The following PCDHA1 variants were observed in gnomAD, a reference collection of about 807,000 sequenced individuals.
PCDHA1 encodes protocadherin alpha 1, also known as protocadherin alpha-1.
Under a neutral mutation model 61.3 loss-of-function variants are expected in PCDHA1, and 42 were observed. The observed-to-expected ratio is 0.69, with a 90% CI of 0.54 to 0.89. The LOEUF (loss-of-function observed/expected upper bound fraction) is 0.89, where lower values mean the gene tolerates loss of function less well. PCDHA1 is among the 40% of genes least tolerant of loss of function. The pLI is 0.00. For missense variants in PCDHA1, 1,256 were observed against 1,235.3 expected, an observed-to-expected ratio of 1.02 and a Z score of -0.25; for synonymous variants, 610 against 553.8, an observed-to-expected ratio of 1.10 and a Z score of -1.43.
intron 1 of PCDHA1, chr5:140,853,448 G>C: frequency 1.0e-6 from 1 of 980,734 alleles, no homozygotes; most frequent in Non-Finnish European, 1.2e-6. Context: ...TTGCCTAATA[G>C]GTCTCCTTAT....
At chr5:140,875,992 C>T in intron 1 of PCDHA1, 2 of 1,613,870 alleles carry the variant, frequency 1.2e-6, no homozygotes, top group African/African-American at 1.3e-5. Flanking sequence ...TGCGTTAAGT[C>T]TAAATGAGAA....
At chr5:140,992,486 A>G (rs2097515048) in intron 3 of PCDHA1, among the ~76,000 whole-genome samples, 1 of 152,182 alleles carries the variant, frequency 6.6e-6, no homozygotes, top group Non-Finnish European at 1.5e-5. Flanking sequence ...CCAGAGGCCA[A>G]TCTGTAAGGA....
chr5:140,828,061 T>G (rs2150150481), intron 1 of PCDHA1: 2 of 1,556,836 alleles, frequency 1.3e-6, no homozygotes, highest in East Asian at 4.5e-5. Context: ...CGGAAGATCT[T>G]CTAATGGAAA....
At chr5:140,966,794 G>T in intron 1 of PCDHA1, 1 of 1,533,558 alleles carries the variant, frequency 6.5e-7, no homozygotes. Context: ...CAGACCTGCG[G>T]CGACAGAGCA....
At chr5:140,796,393 G>C (rs782361395) in intron 1 of PCDHA1, 2 of 1,614,066 alleles carry the variant, frequency 1.2e-6, no homozygotes, top group Non-Finnish European at 1.7e-6. Context: ...CATCTTCACG[G>C]TGTCAGCGTG....
intron 1 of PCDHA1, chr5:140,853,562 C>G (rs902693862): frequency 1.0e-6 from 1 of 981,152 alleles, no homozygotes; most frequent in South Asian, 4.8e-5. Flanking sequence ...ATAGGAAAAA[C>G]TAAGTTGTCA....
At chr5:141,003,331 TTTTG>T (rs1554259005) in intron 3 of PCDHA1, among the ~76,000 whole-genome samples, 2 of 152,142 alleles carry the variant, frequency 1.3e-5, no homozygotes, top group Non-Finnish European at 2.9e-5. Flanking sequence ...GGGCAGGGTT[TTTTG>T]TTTGTTTGCT....
At chr5:140,994,563 G>A (rs1554254253) in intron 3 of PCDHA1, among the ~76,000 whole-genome samples, 1 of 151,976 alleles carries the variant, frequency 6.6e-6, no homozygotes, top group Non-Finnish European at 1.5e-5. Flanking sequence ...AAATTAGCCG[G>A]GTGTGGTGGC....
chr5:140,794,693 A>AT (rs1408775542), intron 1 of PCDHA1, among the ~76,000 whole-genome samples: 1 of 152,204 alleles, frequency 6.6e-6, no homozygotes, highest in Admixed American at 6.5e-5. Flanking sequence ...TAAAATAGTT[A>AT]TTTTTTTCCA....
intron 1 of PCDHA1, chr5:140,795,804 A>G (rs781883265): frequency 6.2e-7 from 1 of 1,613,596 alleles, no homozygotes; most frequent in South Asian, 1.1e-5. Flanking sequence ...TTGTGTATTC[A>G]CTCGGTAGTG....
At chr5:140,974,652 C>T (rs1238427822) in intron 1 of PCDHA1, among the ~76,000 whole-genome samples, 2 of 152,078 alleles carry the variant, frequency 1.3e-5, no homozygotes, top group East Asian at 1.9e-4. Context: ...GCTGAGATTA[C>T]AGGCATGCGC....
intron 1 of PCDHA1, chr5:140,795,975 A>G: frequency 6.2e-7 from 1 of 1,614,162 alleles, no homozygotes; most frequent in Non-Finnish European, 8.5e-7. Flanking sequence ...GTAAAATTTC[A>G]TTAAAACTTG....
At chr5:140,882,884 C>T (rs782007101) in intron 1 of PCDHA1, 3 of 1,614,184 alleles carry the variant, frequency 1.9e-6, no homozygotes, top group Middle Eastern at 3.3e-4. Context: ...AGAGGAAATT[C>T]AGGAACATAG....
chr5:140,826,952 G>A (rs1202184500), intron 1 of PCDHA1, among the ~76,000 whole-genome samples: 1 of 152,130 alleles, frequency 6.6e-6, no homozygotes, highest in Non-Finnish European at 1.5e-5. Context: ...AATAAGGCAA[G>A]CCAGGGAAAA....
At chr5:140,877,108 G>C in intron 1 of PCDHA1, 1 of 1,613,542 alleles carries the variant, frequency 6.2e-7, no homozygotes. Context: ...GCCGCCTCTG[G>C]GCAGCAACGT....
At position 140,786,797 on chromosome 5, in the gene PCDHA1, G is replaced by T. The variant is rs1310795982; in HGVS notation, c.507G>T (p.Thr169=). The T allele has an allele frequency of 1.2e-6, 2 of 1,614,198 alleles. No individual in the cohort carries two copies. The highest frequency in any genetic ancestry group is 1.7e-6 in the Non-Finnish European group (2 of 1,180,034). ...DADIGANALL[T]YTLSPSDYFS... is the part of the protein sequence containing the mutation. ...ACATTGGTGCTAACGCTCTTCTAACGTACACGCTCAGCCCGAGTGATTATT... is the reference window on the plus strand; with the variant it reads ...ACATTGGTGCTAACGCTCTTCTAACTTACACGCTCAGCCCGAGTGATTATT... Residue 169 remains threonine, a synonymous_variant, in exon 1 of 4, where the codon ACG becomes ACT. Coordinates refer to ENST00000504120, the MANE Select transcript of PCDHA1 (RefSeq NM_018900.4).
At chr5:140,869,598 T>A in intron 1 of PCDHA1, 6 of 1,614,122 alleles carry the variant, frequency 3.7e-6, no homozygotes, top group Non-Finnish European at 5.1e-6. Context: ...TTGAAGAGAA[T>A]GCTCTATTGA....
At chr5:140,817,205 GC>G (rs1245183463) in intron 1 of PCDHA1, 1 of 152,298 alleles carries the variant, frequency 6.6e-6, no homozygotes, top group Non-Finnish European at 1.5e-5. Context: ...CTGAATGCAT[GC>G]TTTACTTTCT....
chr5:140,807,880 A>C (rs1338912507), intron 1 of PCDHA1: 9 of 1,614,034 alleles, frequency 5.6e-6, no homozygotes, highest in African/African-American at 1.3e-5. Flanking sequence ...TACTCATCAC[A>C]GTACTGGATG....
Sources: gnomAD v4.1 joint callset for allele counts (sites outside exome capture counted in the v4.1 genomes callset) on GRCh38, gnomAD v4.1.1 for gene constraint, MANE v1.5 for transcripts, NCBI Gene and HGNC (gene_info 2026-07-23, HGNC 2026-07-21) for gene names.